Variants in NIBAN1 observed in about 807,000 individuals in gnomAD.
NIBAN1 encodes niban apoptosis regulator 1, also known as protein Niban 1.
A neutral mutation model predicts 75.1 loss-of-function variants in NIBAN1; 81 were observed. The ratio of observed to expected loss-of-function variants is 1.08; its 90% confidence interval spans 0.90 to 1.30. NIBAN1 has a LOEUF of 1.30. Ranked by LOEUF, NIBAN1 falls within the 50% of genes most tolerant of loss-of-function variation. NIBAN1 has a pLI of 0.00. For missense variants in NIBAN1, 1,133 were observed against 1,128.1 expected (o/e 1.00, Z -0.06); for synonymous variants, 436 against 424.8 (o/e 1.03, Z -0.32).
Position 184,823,659 on chromosome 1 carries a change from G to C in NIBAN1, c.801C>G (p.Asp267Glu), listed in dbSNP as rs753774684. The C allele has an allele frequency of 6.2e-7, 1 of 1,614,056 alleles. No individual in the cohort carries two copies. Among genetic ancestry groups the C allele is most frequent in the South Asian group, 1.1e-5 (1 of 91,092 alleles). ...TTACACCAAGCCACGTCCTCTTTCTGTCATTCTTCTTCCCCTTCATCTTAG... is the reference window on the plus strand; with the variant it reads ...TTACACCAAGCCACGTCCTCTTTCTCTCATTCTTCTTCCCCTTCATCTTAG... The part of the protein sequence containing the change: ...LLPKMKGKKN[D>E]RKRTWLGLLE... The change falls in exon 7 of 14, where the codon GAC becomes GAG. Residue 267 changes from aspartate (D) to glutamate (E), a missense_variant. Physicochemically the swap from Asp to Glu is conservative, Grantham distance 45 (BLOSUM62 2). Coordinates refer to ENST00000367511, the MANE Select transcript of NIBAN1 (RefSeq NM_052966.4).
At chr1:184,811,403 G>T (rs1401510680) in intron 9 of NIBAN1, among the ~76,000 whole-genome samples, 2 of 152,048 alleles carry the variant, frequency 1.3e-5, no homozygotes, top group Non-Finnish European at 2.9e-5. Context: ...ATTAGGCCTG[G>T]GAGGCAGTGA....
intron 1 of NIBAN1, among the ~76,000 whole-genome samples, chr1:184,967,437 T>A (rs1180715176): frequency 6.6e-6 from 1 of 152,144 alleles, no homozygotes; most frequent in Non-Finnish European, 1.5e-5. Context: ...CTAAAAAAAA[T>A]TAAAATTTCT....
rs77345613 is a variant in NIBAN1 at position 184,908,324 on chromosome 1, T to C, written c.56-9015A>G. Reference sequence around the variant, plus strand: ...AATGGGTAAGCAGAGGCAAAAATATTGTTTTCTGCAAATGACCACTGAAAT... The same window carrying C: ...AATGGGTAAGCAGAGGCAAAAATATCGTTTTCTGCAAATGACCACTGAAAT... On this transcript the variant is annotated intron_variant, in intron 1 of 13. Coordinates refer to ENST00000367511, the MANE Select transcript of NIBAN1 (RefSeq NM_052966.4). Among the ~76,000 whole-genome samples the C allele has an allele frequency of 4.0e-3, 606 of 152,324 alleles. 11 individuals carry two copies. In the East Asian group the frequency reaches 0.072, roughly 18 times the overall value.
At chr1:184,956,785 A>G (rs1658502945) in intron 1 of NIBAN1, among the ~76,000 whole-genome samples, 1 of 152,186 alleles carries the variant, frequency 6.6e-6, no homozygotes, top group Non-Finnish European at 1.5e-5. Context: ...AAAGGTGTCC[A>G]TGGTACCATG....
At chr1:184,955,834 CAT>C (rs149440425) in intron 1 of NIBAN1, among the ~76,000 whole-genome samples, 2,660 of 152,198 alleles carry the variant, frequency 0.017, 70 homozygotes, top group African/African-American at 0.06. Context: ...CAAGGTGTGT[CAT>C]GTAGAGATGA....
At chr1:184,876,847 C>A (rs1372629340) in intron 5 of NIBAN1, among the ~76,000 whole-genome samples, 1 of 152,132 alleles carries the variant, frequency 6.6e-6, no homozygotes, top group Non-Finnish European at 1.5e-5. Flanking sequence ...TTTACACAAA[C>A]TATTTCAGAT....
At chr1:184,896,046 T>G (rs1656791342) in intron 2 of NIBAN1, among the ~76,000 whole-genome samples, 1 of 152,162 alleles carries the variant, frequency 6.6e-6, no homozygotes, top group African/African-American at 2.4e-5. Flanking sequence ...TCTTTTTATA[T>G]AATGATTTAT....
In NIBAN1 at chr1:184,862,970, T is replaced by C. The variant is rs188197894; in HGVS notation, c.601+21663A>G. Among the ~76,000 whole-genome samples, 16 of 152,276 alleles carry C rather than the reference T, an allele frequency of 1.1e-4. No individual in the cohort carries two copies. In the East Asian group the frequency reaches 2.9e-3, roughly 28 times the overall value. On this transcript the variant is annotated intron_variant, in intron 5 of 13. Coordinates refer to ENST00000367511, the MANE Select transcript of NIBAN1 (RefSeq NM_052966.4). ...TATTAAGCCCAGTATCTGGTATTTA[T>C]GTTTTCTGATCCTCTCCTTTTTCCC...
At chr1:184,949,457 A>T (rs1336242866) in intron 1 of NIBAN1, among the ~76,000 whole-genome samples, 1 of 152,288 alleles carries the variant, frequency 6.6e-6, no homozygotes, top group African/African-American at 2.4e-5. Flanking sequence ...TTATGAACAC[A>T]GTACACGCAT....
intron 1 of NIBAN1, among the ~76,000 whole-genome samples, chr1:184,970,487 A>C (rs932878107): frequency 6.6e-5 from 10 of 152,336 alleles, no homozygotes; most frequent in Admixed American, 5.2e-4. Context: ...TAGACACATC[A>C]CTTTAAACTT....
intron 1 of NIBAN1, among the ~76,000 whole-genome samples, chr1:184,951,042 T>G (rs234092): frequency 6.6e-6 from 1 of 152,094 alleles, no homozygotes; most frequent in African/African-American, 2.4e-5. Flanking sequence ...CATGGGAGCA[T>G]GAACTCAGCT....
intron 1 of NIBAN1, among the ~76,000 whole-genome samples, chr1:184,926,800 T>C (rs2102026216): frequency 6.6e-6 from 1 of 152,310 alleles, no homozygotes; most frequent in East Asian, 1.9e-4. Context: ...AACTCAGACT[T>C]GCCCTTTTGA....
At chr1:184,798,973 C>T (rs1000787409) in intron 12 of NIBAN1, among the ~76,000 whole-genome samples, 18 of 152,102 alleles carry the variant, frequency 1.2e-4, no homozygotes, top group Admixed American at 1.0e-3. Flanking sequence ...TGTTTATCTG[C>T]ACTCAGGTTG....
chr1:184,861,119 A>T (rs1413834660), intron 5 of NIBAN1, among the ~76,000 whole-genome samples: 1 of 152,150 alleles, frequency 6.6e-6, no homozygotes, highest in East Asian at 1.9e-4. Context: ...CCACTAGTCA[A>T]CTCTGCCATT....
chr1:184,915,513 G>A (rs144555902), intron 1 of NIBAN1, among the ~76,000 whole-genome samples: 3 of 152,288 alleles, frequency 2.0e-5, no homozygotes, highest in East Asian at 3.9e-4. Flanking sequence ...GGGTGATGGG[G>A]GAGATTGTAT....
At chr1:184,921,365 A>G (rs1657548485) in intron 1 of NIBAN1, among the ~76,000 whole-genome samples, 1 of 152,202 alleles carries the variant, frequency 6.6e-6, no homozygotes, top group South Asian at 2.1e-4. Context: ...AAACAACAAA[A>G]AAGTGAATAC....
intron 5 of NIBAN1, among the ~76,000 whole-genome samples, chr1:184,878,432 T>G (rs1012194514): frequency 5.9e-5 from 9 of 152,232 alleles, no homozygotes; most frequent in Admixed American, 6.5e-5. Context: ...TTAAATTGCA[T>G]GAAATCATAC....
chr1:184,877,943 CT>C (rs1254039773), intron 5 of NIBAN1, among the ~76,000 whole-genome samples: 1 of 151,580 alleles, frequency 6.6e-6, no homozygotes, highest in Admixed American at 6.6e-5. Flanking sequence ...AACTTTAACT[CT>C]GCTTATGTAA....
chr1:184,827,560 G>GCTTTTTTTTT (rs539667832), intron 6 of NIBAN1, among the ~76,000 whole-genome samples: 3 of 117,682 alleles, frequency 2.5e-5, no homozygotes, highest in Admixed American at 1.8e-4. Context: ...AAATACTTCA[G>GCTTTTTTTTT]TTTTTTTTTT....
Sources: gnomAD v4.1 joint callset for allele counts (sites outside exome capture counted in the v4.1 genomes callset) on GRCh38, gnomAD v4.1.1 for gene constraint, MANE v1.5 for transcripts, NCBI Gene and HGNC (gene_info 2026-07-23, HGNC 2026-07-21) for gene names.